Variants in DNMT3A observed in about 807,000 individuals in gnomAD.
The protein encoded by DNMT3A is DNA (cytosine-5)-methyltransferase 3A.
DNMT3A carries 267 observed loss-of-function variants against 117.6 expected under a neutral mutation model. The ratio of observed to expected loss-of-function variants is 2.27; its 90% CI spans 2.05 to 2.51. The LOEUF (loss-of-function observed/expected upper bound fraction) is 2.51, where lower values mean the gene tolerates loss of function less well. Ranked by LOEUF, DNMT3A falls within the 30% of genes most tolerant of loss-of-function variation. DNMT3A has a pLI of 0.00. For synonymous variants in DNMT3A, 432 were observed against 474.8 expected, an observed-to-expected ratio of 0.91 and a Z score of 1.17; for missense variants, 1,029 against 1,260.2, an observed-to-expected ratio of 0.82 and a Z score of 2.78.
At chr2:25,313,771 A>G in intron 2 of DNMT3A, 142 bp downstream of exon 2, 3 of 1,279,310 alleles carry the variant, frequency 2.3e-6, no homozygotes, top group Non-Finnish European at 3.2e-6. Context: ...TCACCCAAAC[A>G]GGGATGTGAT....
chr2:25,272,977 A>ATTTTTTTTT (rs70947875), intron 6 of DNMT3A, among the ~76,000 whole-genome samples: 2,843 of 106,398 alleles, frequency 0.027, 317 homozygotes, highest in African/African-American at 0.091. Context: ...AATTGTTTGT[A>ATTTTTTTTT]TTTTTTTTTT....
chr2:25,234,413 CA>C lies in DNMT3A; in HGVS notation c.2604del (p.Phe868LeufsTer13), dbSNP rs753089697. 6.2e-7 allele frequency: 1 copy of C among 1,613,100 alleles called. No individual in the cohort carries two copies. Among genetic ancestry groups the C allele is most frequent in the Admixed American group, 1.7e-5 (1 of 59,938 alleles). On this transcript the variant is annotated frameshift_variant, in exon 23 of 23. Coordinates refer to ENST00000321117, the MANE Select transcript of DNMT3A (RefSeq NM_022552.5). LOFTEE classifies it high-confidence loss of function. The surrounding 1 kb of genome is among the most constrained non-coding windows in gnomAD (Gnocchi z 4.5). Reference sequence around the variant, plus strand: ...ACGTCAGTATAGTGGACTGGGAAACCAAATACCCTGGGGGAGAAAAGGCAGA... The same window carrying C: ...ACGTCAGTATAGTGGACTGGGAAACCAATACCCTGGGGGAGAAAAGGCAGA... ...ILWCTEMERV[F>X]GFPVHYTDVS... is the part of the protein sequence containing the mutation.
chr2:25,316,229 C>A (rs190619011), intron 1 of DNMT3A, among the ~76,000 whole-genome samples: 109 of 152,284 alleles, frequency 7.2e-4, no homozygotes, highest in Middle Eastern at 3.4e-3. Flanking sequence ...TGTGCCGCCA[C>A]GGGTGTGGCG....
Position 25,235,696 on chromosome 2 carries a change from A to C in DNMT3A, c.2597+11T>G. On this transcript the variant is annotated intron_variant, in intron 22 of 22. Coordinates refer to ENST00000321117, the MANE Select transcript of DNMT3A (RefSeq NM_022552.5). The stretch of plus-strand genomic sequence containing the variant: ...CCACACCGCAGCCAGATGCCAGCAC[A>C]ACCCGGGTACCTTTCCATTTCAGTG... 3.7e-6 allele frequency: 6 copies of C among 1,601,266 alleles called. No homozygotes were observed. The highest frequency in any genetic ancestry group is 4.3e-6 in the Non-Finnish European group (5 of 1,168,732).
At chr2:25,341,147 C>T (rs960575892) in intron 1 of DNMT3A, among the ~76,000 whole-genome samples, 1 of 145,454 alleles carries the variant, frequency 6.9e-6, no homozygotes, top group Non-Finnish European at 1.5e-5. Context: ...CCCGCCATCA[C>T]CCCTCGGCCC....
At chr2:25,251,793 C>T (rs1675596658) in intron 6 of DNMT3A, 1 of 281,338 alleles carries the variant, frequency 3.6e-6, no homozygotes. Context: ...CCGCGTGGTC[C>T]CCCAGCCAGA....
rs141080459 is a variant in DNMT3A, at chr2:25,281,724, G to A, written c.448+717C>T. On this transcript the variant is annotated intron_variant, in intron 4 of 22. Coordinates refer to ENST00000321117, the MANE Select transcript of DNMT3A (RefSeq NM_022552.5). The surrounding 1 kb of genome is among the most constrained non-coding windows in gnomAD (Gnocchi z 4.8). ...CTCATTACTAACATGTTTACAGCTC[G>A]GTTGGCCCTGAAATTGCTGGCTTAA... 180 of 1,065,810 alleles carry A rather than the reference G, an allele frequency of 1.7e-4. No individual in the cohort carries two copies. Among genetic ancestry groups the A allele is most frequent in the Admixed American group, 2.7e-4 (5 of 18,760 alleles). The allele number at this position is 1,065,810 out of a possible 1,614,324, so 66.0% of individuals were successfully genotyped here.
chr2:25,240,783 C>T, intron 17 of DNMT3A, 53 bp from the exon 18 acceptor site: 1 of 1,558,886 alleles, frequency 6.4e-7, no homozygotes, highest in South Asian at 1.1e-5. Flanking sequence ...CAGAGGCAGA[C>T]AGGAAGAAAG....
chr2:25,263,085 A>C (rs1165026252), intron 6 of DNMT3A, among the ~76,000 whole-genome samples: 1 of 152,122 alleles, frequency 6.6e-6, no homozygotes, highest in Non-Finnish European at 1.5e-5. Context: ...TTGGTGCACA[A>C]CACCATGCCC....
chr2:25,340,839 C>A (rs1246296781), intron 1 of DNMT3A, among the ~76,000 whole-genome samples: 6 of 145,066 alleles, frequency 4.1e-5, no homozygotes, highest in African/African-American at 1.3e-4. Flanking sequence ...ACTTCCACCC[C>A]CGCGTTTTCC....
chr2:25,248,091 G>A lies in DNMT3A; in HGVS notation c.801C>T (p.Ser267=), dbSNP rs116609083. Residue 267 remains serine (S), a synonymous_variant, in exon 7 of 23, where the codon TCC becomes TCT. Coordinates refer to ENST00000321117, the MANE Select transcript of DNMT3A (RefSeq NM_022552.5). ...TVATTPEPVG[S]DAGDKNATKA... is the part of the protein sequence containing the mutation. ...TGGTGGCATTCTTGTCCCCAGCATC[G>A]GACCCCACGGGCTCAGGCGTGGTAG... The A allele has an allele frequency of 2.7e-3, 4,320 of 1,613,112 alleles. 12 individuals are homozygous for A. The highest frequency in any genetic ancestry group is 5.5e-3 in the Admixed American group (328 of 59,954).
At position 25,261,908 on chromosome 2, in the gene DNMT3A, C is replaced by T. The variant is rs181532666; in HGVS notation, c.639+13033G>A. Among the ~76,000 whole-genome samples the T allele has an allele frequency of 2.1e-3, 324 of 152,060 alleles. 4 individuals are homozygous for T. The highest frequency in any genetic ancestry group is 1.9e-3 in the Non-Finnish European group (127 of 67,982). Reference sequence around the variant, plus strand: ...TCTGACTAAACCTGTCCCCTGGGGTCGGGCGCAGTGGCTCACACCTGTAAT... The same window carrying T: ...TCTGACTAAACCTGTCCCCTGGGGTTGGGCGCAGTGGCTCACACCTGTAAT... On this transcript the variant is annotated intron_variant, in intron 6 of 22. Coordinates refer to ENST00000321117, the MANE Select transcript of DNMT3A (RefSeq NM_022552.5).
intron 6 of DNMT3A, among the ~76,000 whole-genome samples, chr2:25,270,939 G>A (rs34449738): frequency 0.056 from 8,505 of 151,878 alleles, 249 homozygotes; most frequent in South Asian, 0.059. Flanking sequence ...CAGGAGAATC[G>A]CTTGAACCTG....
At chr2:25,279,246 C>T (rs1176483841) in intron 4 of DNMT3A, among the ~76,000 whole-genome samples, 1 of 152,304 alleles carries the variant, frequency 6.6e-6, no homozygotes, top group African/African-American at 2.4e-5. Context: ...GCTGTACTTT[C>T]AGCACATGCT....
chr2:25,309,555 G>C (rs375623577), intron 2 of DNMT3A, among the ~76,000 whole-genome samples: 2 of 152,012 alleles, frequency 1.3e-5, no homozygotes, highest in African/African-American at 2.4e-5. Flanking sequence ...CATCACCACC[G>C]GGGGGCACTG....
rs1675063087 is a variant in DNMT3A, at chr2:25,248,093, AC to A, written c.798del (p.Ser267ProfsTer49). On this transcript the variant is annotated frameshift_variant, in exon 7 of 23. Transcript: ENST00000321117. LOFTEE classifies it high-confidence loss of function. ...GTGGCATTCTTGTCCCCAGCATCGG[AC>A]CCCACGGGCTCAGGCGTGGTAGCCA... Reference protein sequence around the residue: ...PTVATTPEPVGSDAGDKNATK... With the variant: ...PTVATTPEPVXSDAGDKNATK... 6.2e-7 allele frequency: 1 copy of A among 1,612,976 alleles called. No individual in the cohort carries two copies. The highest frequency in any genetic ancestry group is 8.5e-7 in the Non-Finnish European group (1 of 1,179,938).
At position 25,337,285 on chromosome 2, in the gene DNMT3A, T is replaced by G. The variant is rs541819460; in HGVS notation, c.-178+4541A>C. 5.3e-5 allele frequency among the ~76,000 whole-genome samples: 8 copies of G among 152,334 alleles called. No individual in the cohort carries two copies. Among genetic ancestry groups the G allele is most frequent in the African/African-American group, 1.9e-4 (8 of 41,564 alleles). On this transcript the variant is annotated intron_variant, in intron 1 of 22. Transcript: ENST00000321117. This position sits in a 1 kb window ranked among gnomAD's most constrained non-coding sequence, Gnocchi z 5.0. ...CACTTTCCTCATCTGACCAAGATTC[T>G]GCAAAAGACACAGGAAGGTGGACGA...
intron 2 of DNMT3A, among the ~76,000 whole-genome samples, chr2:25,303,669 T>C (rs2149412083): frequency 6.6e-6 from 1 of 152,380 alleles, no homozygotes; most frequent in African/African-American, 2.4e-5. Context: ...GAACAACTCC[T>C]GGCCCTTCCC....
intron 4 of DNMT3A, among the ~76,000 whole-genome samples, chr2:25,275,975 G>C (rs2031378966): frequency 6.6e-6 from 1 of 152,164 alleles, no homozygotes; most frequent in Non-Finnish European, 1.5e-5. Flanking sequence ...GGGCCAGAGG[G>C]CCAGCCTGAG....
Sources: gnomAD v4.1 joint callset for allele counts (sites outside exome capture counted in the v4.1 genomes callset) on GRCh38, gnomAD v4.1.1 for gene constraint, Gnocchi (gnomAD v3.1) non-coding constraint, MANE v1.5 for transcripts, NCBI Gene and HGNC (gene_info 2026-07-23, HGNC 2026-07-21) for gene names.